The following GNG7 variants were observed in gnomAD, a reference collection of about 807,000 sequenced individuals.
GNG7 encodes guanine nucleotide-binding protein G(I)/G(S)/G(O) subunit gamma-7.
GNG7 carries 1 observed loss-of-function variant against 4.0 expected under a neutral mutation model. That is an observed-to-expected ratio of 0.25 (90% CI 0.09 to 1.18). The LOEUF is 1.18. Ranked by LOEUF, GNG7 falls within the 50% of genes most tolerant of loss-of-function variation. The pLI is 0.50. For synonymous variants in GNG7, 34 were observed against 36.9 expected, an observed-to-expected ratio of 0.92 and a Z score of 0.29; for missense variants, 86 against 91.9, an observed-to-expected ratio of 0.94 and a Z score of 0.26.
intron 1 of GNG7, among the ~76,000 whole-genome samples, chr19:2,661,751 T>C (rs1198355157): frequency 6.8e-6 from 1 of 147,798 alleles, no homozygotes; most frequent in African/African-American, 2.5e-5. Context: ...CATTTTGCCC[T>C]CCTGTCAAGG....
rs545541238 is a variant in GNG7 at position 2,652,606 on chromosome 19, C to A, written c.-134-6326G>T. Reference sequence around the variant, plus strand: ...CTGCACTCCAGCCTGGGGAACAGAGCGAGACTCCATCTCAAAACAAACACA... The same window carrying A: ...CTGCACTCCAGCCTGGGGAACAGAGAGAGACTCCATCTCAAAACAAACACA... On this transcript the variant is annotated intron_variant, in intron 1 of 4. Coordinates refer to ENST00000382159, the MANE Select transcript of GNG7 (RefSeq NM_052847.3). 2.0e-5 allele frequency among the ~76,000 whole-genome samples: 3 copies of A among 152,048 alleles called. No individual in the cohort carries two copies. The East Asian group carries it at 5.8e-4, about 29-fold the overall frequency.
At chr19:2,551,622 T>TGAATATGTATTTATAAATATATAAAC (rs1979332164) in intron 3 of GNG7, among the ~76,000 whole-genome samples, 1 of 147,442 alleles carries the variant, frequency 6.8e-6, no homozygotes, top group African/African-American at 2.5e-5. Flanking sequence ...TATATATTTA[T>TGAATATGTATTTATAAATATATAAAC]AAATATATAA....
At position 2,518,217 on chromosome 19, in the gene GNG7, G is replaced by A. The variant is rs572576907; in HGVS notation, c.81+2391C>T. On this transcript the variant is annotated intron_variant, in intron 4 of 4. Transcript: ENST00000382159. ...GGATGTAAAACCTCAGGCGGGACTGGGAGTGGGGACGGGTCAAATCCTGGC... is the reference window on the plus strand; with the variant it reads ...GGATGTAAAACCTCAGGCGGGACTGAGAGTGGGGACGGGTCAAATCCTGGC... Among the ~76,000 whole-genome samples, 279 of 147,782 alleles carry A rather than the reference G, an allele frequency of 1.9e-3. 1 individual carries two copies. Among genetic ancestry groups the A allele is most frequent in the Admixed American group, 2.7e-3 (40 of 14,690 alleles).
At chr19:2,662,109 A>G (rs1476491635) in intron 1 of GNG7, among the ~76,000 whole-genome samples, 1 of 151,740 alleles carries the variant, frequency 6.6e-6, no homozygotes, top group Non-Finnish European at 1.5e-5. Context: ...AAAATACAAA[A>G]ATTAGCCAGG....
At chr19:2,686,773 A>G (rs1983883043) in intron 1 of GNG7, among the ~76,000 whole-genome samples, 1 of 145,468 alleles carries the variant, frequency 6.9e-6, no homozygotes. Flanking sequence ...TTTTTTTGAG[A>G]CAGAGTCTCG....
chr19:2,551,169 C>T (rs867627545), intron 3 of GNG7, among the ~76,000 whole-genome samples: 30 of 152,316 alleles, frequency 2.0e-4, no homozygotes, highest in Admixed American at 1.1e-3. Context: ...TCCCAGAGGA[C>T]GGGGCTCAGG....
intron 2 of GNG7, among the ~76,000 whole-genome samples, chr19:2,570,774 C>G (rs1401511115): frequency 6.6e-6 from 1 of 152,096 alleles, no homozygotes; most frequent in Non-Finnish European, 1.5e-5. Flanking sequence ...AACAAAACCC[C>G]AAGCCTAAAA....
At chr19:2,549,413 C>T (rs369661224) in intron 3 of GNG7, among the ~76,000 whole-genome samples, 5 of 151,876 alleles carry the variant, frequency 3.3e-5, no homozygotes, top group African/African-American at 9.7e-5. Context: ...GCCTCAGCCT[C>T]CTGAGTAGCT....
At chr19:2,665,269 G>A (rs956784660) in intron 1 of GNG7, among the ~76,000 whole-genome samples, 4 of 151,966 alleles carry the variant, frequency 2.6e-5, no homozygotes, top group Non-Finnish European at 4.4e-5. Flanking sequence ...GCAGCACGCT[G>A]AGCGGCATCC....
At chr19:2,675,844 A>T (rs1447120160) in intron 1 of GNG7, among the ~76,000 whole-genome samples, 1 of 152,142 alleles carries the variant, frequency 6.6e-6, no homozygotes, top group Non-Finnish European at 1.5e-5. Context: ...TGTCCACAGC[A>T]CCAGGGGGAA....
intron 1 of GNG7, among the ~76,000 whole-genome samples, chr19:2,687,940 A>G (rs1448978278): frequency 6.8e-6 from 1 of 147,180 alleles, no homozygotes; most frequent in Non-Finnish European, 1.5e-5. Context: ...AACCTGGGCA[A>G]CAAGAACAAA....
At chr19:2,526,808 G>T (rs1244263846) in intron 3 of GNG7, among the ~76,000 whole-genome samples, 1 of 149,862 alleles carries the variant, frequency 6.7e-6, no homozygotes, top group Non-Finnish European at 1.5e-5. Context: ...GTATTATATA[G>T]TTATAGAATC....
rs1319811643 is a variant in GNG7, at chr19:2,614,075, G to T, written c.-78+32149C>A. Among the ~76,000 whole-genome samples, 1 of 152,222 alleles carries T rather than the reference G, an allele frequency of 6.6e-6. No individual in the cohort carries two copies. The highest frequency in any genetic ancestry group is 2.4e-5 in the African/African-American group (1 of 41,462). On this transcript the variant is annotated intron_variant, in intron 2 of 4. Coordinates refer to ENST00000382159, the MANE Select transcript of GNG7 (RefSeq NM_052847.3). This position sits in a 1 kb window ranked among gnomAD's most constrained non-coding sequence, Gnocchi z 6.0. ...CCCCGGGGTAAAGGGGGCCAGCCTC[G>T]CACAGGTGGGTCCGTTGCAGGCGTC...
At chr19:2,516,943 C>T (rs1972744962) in intron 4 of GNG7, 1 of 152,272 alleles carries the variant, frequency 6.6e-6, no homozygotes, top group Non-Finnish European at 1.5e-5. Context: ...TTAGCTCACC[C>T]CAGCAGGGCT....
At chr19:2,680,306 T>C (rs1459160955) in intron 1 of GNG7, among the ~76,000 whole-genome samples, 1 of 151,750 alleles carries the variant, frequency 6.6e-6, no homozygotes, top group African/African-American at 2.4e-5. Context: ...CCCGCCACCA[T>C]GCCTGGCCAA....
chr19:2,578,354 C>A (rs923192829), intron 2 of GNG7, among the ~76,000 whole-genome samples: 1 of 152,144 alleles, frequency 6.6e-6, no homozygotes, highest in African/African-American at 2.4e-5. Context: ...CTGACTCGCC[C>A]TGTTCTCTAC....
chr19:2,564,543 C>T (rs941987018), intron 2 of GNG7, among the ~76,000 whole-genome samples: 1 of 152,264 alleles, frequency 6.6e-6, no homozygotes, highest in African/African-American at 2.4e-5. Context: ...CACCGCACTC[C>T]AGCCTGGGTG....
chr19:2,608,546 G>T (rs938826222), intron 2 of GNG7, among the ~76,000 whole-genome samples: 1 of 152,212 alleles, frequency 6.6e-6, no homozygotes, highest in African/African-American at 2.4e-5. Context: ...TGTGCCTCTC[G>T]AGTCATCTGC....
At chr19:2,638,431 G>A (rs1456532305) in intron 2 of GNG7, among the ~76,000 whole-genome samples, 3 of 69,084 alleles carry the variant, frequency 4.3e-5, no homozygotes, top group South Asian at 7.2e-4. Flanking sequence ...AGGGGAAGGA[G>A]GGGAAGGGGA....
Sources: allele counts gnomAD v4.1 joint callset (sites outside exome capture counted in the v4.1 genomes callset), GRCh38; gene constraint gnomAD v4.1.1; non-coding constraint Gnocchi (gnomAD v3.1); transcripts MANE v1.5; gene names NCBI Gene and HGNC (gene_info 2026-07-23, HGNC 2026-07-21).